KCNU1: variants seen among roughly 807,000 people sequenced by gnomAD.
KCNU1 encodes the protein potassium channel subfamily U member 1.
KCNU1 carries 93 observed loss-of-function variants against 126.8 expected under a neutral mutation model. The observed-to-expected ratio is 0.73, with a 90% confidence interval of 0.62 to 0.87. The LOEUF (loss-of-function observed/expected upper bound fraction) is 0.87, where lower values mean the gene tolerates loss of function less well. Among genes scored for constraint, KCNU1 ranks in the 40% least tolerant of loss-of-function variants. The probability of loss-of-function intolerance (pLI) is 0.00; values close to 1 mark genes in which losing one functional copy is unlikely to be tolerated. For missense variants in KCNU1, 1,330 were observed against 1,367.1 expected, an observed-to-expected ratio of 0.97 and a Z score of 0.43; for synonymous variants, 523 against 494.2, an observed-to-expected ratio of 1.06 and a Z score of -0.77.
chr8:36,863,852 G>A (rs978906006), intron 18 of KCNU1, among the ~76,000 whole-genome samples: 2 of 152,104 alleles, frequency 1.3e-5, no homozygotes, highest in African/African-American at 4.8e-5. Flanking sequence ...CCATACTGAA[G>A]GAGAGAAAAT....
chr8:36,859,086 C>G (rs1235520683), intron 18 of KCNU1, among the ~76,000 whole-genome samples: 1 of 152,078 alleles, frequency 6.6e-6, no homozygotes, highest in Admixed American at 6.6e-5. Flanking sequence ...AGCAGAGTAC[C>G]ATGAAATGCT....
At chr8:36,856,144 G>A (rs1454034187) in intron 18 of KCNU1, among the ~76,000 whole-genome samples, 1 of 152,092 alleles carries the variant, frequency 6.6e-6, no homozygotes, top group Non-Finnish European at 1.5e-5. Flanking sequence ...TATGGATAAT[G>A]TTTCTTTAGG....
intron 26 of KCNU1, among the ~76,000 whole-genome samples, chr8:36,934,535 C>T (rs1041094300): frequency 6.6e-6 from 1 of 152,070 alleles, no homozygotes; most frequent in African/African-American, 2.4e-5. Flanking sequence ...GGAAAATATA[C>T]AGCTTATATT....
intron 22 of KCNU1, among the ~76,000 whole-genome samples, chr8:36,914,384 C>A (rs1380622434): frequency 1.3e-5 from 2 of 152,166 alleles, no homozygotes; most frequent in Non-Finnish European, 2.9e-5. Flanking sequence ...TGCTGCTAAA[C>A]GTCTTTCAAT....
chr8:36,795,045 C>A (rs1344418198), intron 2 of KCNU1, among the ~76,000 whole-genome samples: 1 of 152,220 alleles, frequency 6.6e-6, no homozygotes, highest in South Asian at 2.1e-4. Context: ...CCTAAATCCA[C>A]GTTTCCTCTT....
rs1804765105 is a variant in KCNU1 at position 36,836,800 on chromosome 8, T to G, written c.1373T>G (p.Leu458Arg). 15 of 1,613,674 alleles carry G rather than the reference T, an allele frequency of 9.3e-6. No homozygotes were observed. Among genetic ancestry groups the G allele is most frequent in the Non-Finnish European group, 1.3e-5 (15 of 1,179,760 alleles). ...QILQSHNKVY[L>R]PKIPSWNWDT... ...CTTTGTGCTATGGAACAGGTTTATC[T>G]GCCAAAGATTCCCAGCTGGAACTGG... The change falls in exon 14 of 27, where the codon CTG (leucine) becomes CGG (arginine). Residue 458 changes from leucine (L) to arginine (R), a missense_variant. Leu to Arg is a moderately radical substitution (Grantham distance 102). Around this residue, in one of 3 missense-constraint regions of KCNU1, gnomAD observed 1,054 missense variants for 1,053.9 expected, o/e 1.00. Transcript: ENST00000399881.
intron 2 of KCNU1, among the ~76,000 whole-genome samples, chr8:36,799,457 GA>G (rs1483825298): frequency 6.6e-6 from 1 of 151,156 alleles, no homozygotes; most frequent in Non-Finnish European, 1.5e-5. Flanking sequence ...CTTTTTTTGG[GA>G]GGGGGGGCAG....
intron 10 of KCNU1, among the ~76,000 whole-genome samples, chr8:36,824,127 A>G (rs1055570241): frequency 2.0e-5 from 3 of 152,176 alleles, no homozygotes; most frequent in Non-Finnish European, 4.4e-5. Flanking sequence ...GTGAGCCACC[A>G]CACCCGGCCC....
chr8:36,785,087 A>C (rs1204139812), intron 1 of KCNU1, among the ~76,000 whole-genome samples: 1 of 152,246 alleles, frequency 6.6e-6, no homozygotes, highest in Non-Finnish European at 1.5e-5. Context: ...TGAGTTGCAC[A>C]TACACAGAGA....
intron 19 of KCNU1, among the ~76,000 whole-genome samples, chr8:36,868,862 G>C (rs983930326): frequency 6.6e-6 from 1 of 152,066 alleles, no homozygotes; most frequent in South Asian, 2.1e-4. Context: ...TCTTTTCAGG[G>C]AGATAAAGTT....
At chr8:36,896,578 G>A (rs745541797) in intron 19 of KCNU1, among the ~76,000 whole-genome samples, 2 of 151,978 alleles carry the variant, frequency 1.3e-5, no homozygotes, top group Non-Finnish European at 2.9e-5. Context: ...ATAATAGAAT[G>A]CGATGATCTT....
At chr8:36,791,060 C>A (rs1802885492) in intron 2 of KCNU1, among the ~76,000 whole-genome samples, 2 of 150,186 alleles carry the variant, frequency 1.3e-5, no homozygotes, top group South Asian at 4.2e-4. Flanking sequence ...GAGAAGGGAA[C>A]TCCAACAGTC....
intron 25 of KCNU1, 22 bp downstream of exon 25, chr8:36,931,167 T>C (rs1808692453): frequency 1.9e-6 from 3 of 1,564,562 alleles, no homozygotes; most frequent in Non-Finnish European, 1.7e-6. Flanking sequence ...CTTCTCAGAA[T>C]TCAGTTTTTC....
intron 16 of KCNU1, 141 bp from the exon 17 acceptor site, chr8:36,845,439 A>G: frequency 1.7e-6 from 1 of 602,990 alleles, no homozygotes; most frequent in Non-Finnish European, 2.9e-6. Flanking sequence ...CACATTCTCC[A>G]CTGTGTTTGG....
chr8:36,877,285 A>C (rs1806309098), intron 19 of KCNU1, among the ~76,000 whole-genome samples: 1 of 151,552 alleles, frequency 6.6e-6, no homozygotes, highest in Non-Finnish European at 1.5e-5. Context: ...AGGATTTCTT[A>C]AATCTCTAGT....
In KCNU1 at chr8:36,911,130, C is replaced by A. The variant is rs1027589770; in HGVS notation, c.2521+11C>A. ...CACCCTCAGTGTCAGGTGAGAACAG[C>A]ACCCCTGAAAAGAAGAAACTAGGAC... On this transcript the variant is annotated intron_variant, in intron 22 of 26. Transcript: ENST00000399881. The A allele has an allele frequency of 6.3e-7, 1 of 1,589,544 alleles. No homozygotes were observed. The highest frequency in any genetic ancestry group is 1.3e-5 in the African/African-American group (1 of 74,240).
At chr8:36,929,071 A>T (rs1275472812) in intron 24 of KCNU1, 1 of 690,868 alleles carries the variant, frequency 1.4e-6, no homozygotes. Context: ...AACTTTAAAG[A>T]TTATAAAACT....
At chr8:36,924,172 C>G (rs1808459016) in intron 24 of KCNU1, among the ~76,000 whole-genome samples, 1 of 152,180 alleles carries the variant, frequency 6.6e-6, no homozygotes, top group South Asian at 2.1e-4. Context: ...AAAAACTCTT[C>G]CAAAGGAAAG....
intron 24 of KCNU1, among the ~76,000 whole-genome samples, chr8:36,925,625 A>T (rs539388407): frequency 6.6e-6 from 1 of 152,282 alleles, no homozygotes; most frequent in Admixed American, 6.5e-5. Context: ...TCACCAAAGA[A>T]AGACCCAAGG....
Sources: allele counts gnomAD v4.1 joint callset (sites outside exome capture counted in the v4.1 genomes callset), GRCh38; gene constraint gnomAD v4.1.1; regional missense constraint gnomAD v4.1.1; transcripts MANE v1.5; gene names NCBI Gene and HGNC (gene_info 2026-07-23, HGNC 2026-07-21).